The following HSPA12A variants were observed in gnomAD, a reference collection of about 807,000 sequenced individuals.
The protein encoded by HSPA12A is heat shock 70 kDa protein 12A.
HSPA12A carries 28 observed loss-of-function variants against 69.2 expected under a neutral mutation model. The observed-to-expected ratio is 0.40, with a 90% CI of 0.30 to 0.55. The LOEUF is 0.55. HSPA12A is among the 20% of genes least tolerant of loss of function. The pLI, the probability that HSPA12A is intolerant of heterozygous loss-of-function variation, is 0.38. For synonymous variants in HSPA12A, 345 were observed against 370.5 expected (o/e 0.93, Z 0.79); for missense variants, 686 against 900.7 (o/e 0.76, Z 3.05).
chr10:116,677,055 GCCA>G (rs1554877838), intron 10 of HSPA12A, among the ~76,000 whole-genome samples: 2 of 152,096 alleles, frequency 1.3e-5, no homozygotes, highest in African/African-American at 2.4e-5. Flanking sequence ...CTCTAGCCTG[GCCA>G]CCACCACTGC....
chr10:116,716,910 T>C (rs1251757647), intron 1 of HSPA12A, among the ~76,000 whole-genome samples: 2 of 152,190 alleles, frequency 1.3e-5, no homozygotes, highest in African/African-American at 4.8e-5. Context: ...AATTCCTTCA[T>C]GGGGTCAGAT....
chr10:116,826,008 G>A (rs1484911713), intron 2 of HSPA12A, among the ~76,000 whole-genome samples: 1 of 152,168 alleles, frequency 6.6e-6, no homozygotes, highest in African/African-American at 2.4e-5. Flanking sequence ...GCCACCTACA[G>A]ATGTGTGAAG....
At chr10:116,755,589 G>A (rs1231282672) in intron 2 of HSPA12A, among the ~76,000 whole-genome samples, 1 of 143,716 alleles carries the variant, frequency 7.0e-6, no homozygotes, top group South Asian at 2.3e-4. Flanking sequence ...TCCAGCCTGG[G>A]TGAAAGAGTG....
chr10:116,838,929 C>T (rs1424027984), intron 1 of HSPA12A, among the ~76,000 whole-genome samples: 1 of 152,208 alleles, frequency 6.6e-6, no homozygotes, highest in Non-Finnish European at 1.5e-5. Context: ...GAGCCACACA[C>T]ATTTCAACCT....
rs782233369 is a variant in HSPA12A at position 116,698,620 on chromosome 10, A to C, written c.546+15T>G. ...GCCTAGCACACAGCTGGCTGGCCTC[A>C]ACTATCAGTCCTACCTTCAGCGCCT... On this transcript the variant is annotated intron_variant, in intron 5 of 11. Transcript: ENST00000369209. 3 of 1,591,962 alleles carry C rather than the reference A, an allele frequency of 1.9e-6. No homozygotes were observed. In the South Asian group the frequency reaches 3.3e-5, roughly 18 times the overall value.
chr10:116,833,450 T>G (rs936658444), intron 2 of HSPA12A: 1 of 152,170 alleles, frequency 6.6e-6, no homozygotes, highest in Non-Finnish European at 1.5e-5. Flanking sequence ...TGCCAACCCA[T>G]AATGTGGAAC....
chr10:116,758,529 T>C (rs1843899643), intron 2 of HSPA12A, among the ~76,000 whole-genome samples: 1 of 152,150 alleles, frequency 6.6e-6, no homozygotes, highest in Admixed American at 6.5e-5. Context: ...GACAGCTCCA[T>C]GATACAGGGA....
upstream of HSPA12A, among the ~76,000 whole-genome samples, chr10:116,745,992 C>G (rs1253050286): frequency 5.3e-5 from 8 of 152,184 alleles, no homozygotes; most frequent in African/African-American, 1.9e-4. Flanking sequence ...ACCTCCCCCT[C>G]TAGCTGCCAG....
At chr10:116,705,749 G>GT (rs1850223686) in intron 2 of HSPA12A, among the ~76,000 whole-genome samples, 1 of 152,218 alleles carries the variant, frequency 6.6e-6, no homozygotes, top group African/African-American at 2.4e-5. Flanking sequence ...TTTCATGCAT[G>GT]TGAGCAGGGC....
At chr10:116,805,467 G>A (rs1415997973) in intron 2 of HSPA12A, among the ~76,000 whole-genome samples, 1 of 151,948 alleles carries the variant, frequency 6.6e-6, no homozygotes, top group Non-Finnish European at 1.5e-5. Context: ...CCTTAACAAT[G>A]ATGGGAAATT....
At chr10:116,703,546 A>C (rs1162852684) in intron 3 of HSPA12A, among the ~76,000 whole-genome samples, 20 of 151,388 alleles carry the variant, frequency 1.3e-4, no homozygotes, top group Admixed American at 1.2e-3. Flanking sequence ...AAAAAAAAAA[A>C]AATAACAACA....
rs1047363608 is a variant in HSPA12A at position 116,692,451 on chromosome 10, G to T, written c.563C>A (p.Ala188Glu). 4 of 1,613,730 alleles carry T rather than the reference G, an allele frequency of 2.5e-6. No homozygotes were observed. In the South Asian group the frequency reaches 4.4e-5, roughly 18 times the overall value. The change falls in exon 6 of 12, where the codon GCG becomes GAG. Residue 188 changes from alanine (A) to glutamate (E), a missense_variant. Transcript: ENST00000369209. The stretch of plus-strand genomic sequence containing the variant: ...ATCAGAGTTCTCGAACTCCGAACCC[G>T]CCTGGTCACTCAGCTCCTGAAGCCA... ...EQALKELSDQ[A>E]GSEFENSDVR...
intron 1 of HSPA12A, among the ~76,000 whole-genome samples, chr10:116,734,437 G>A (rs1163321071): frequency 6.9e-6 from 1 of 145,372 alleles, no homozygotes; most frequent in East Asian, 2.0e-4. Flanking sequence ...GCAATAGAGC[G>A]AGACTCTGTC....
In HSPA12A at chr10:116,710,703, A is replaced by G. The variant is rs1369054158; in HGVS notation, c.41-3418T>C. Reference sequence around the variant, plus strand: ...TTGAAAACTGATCTGCACAGAAGGTATGGAGGGGTAACATTTTCAGAGATA... The same window carrying G: ...TTGAAAACTGATCTGCACAGAAGGTGTGGAGGGGTAACATTTTCAGAGATA... On this transcript the variant is annotated intron_variant, in intron 1 of 11. Coordinates refer to ENST00000369209, the MANE Select transcript of HSPA12A (RefSeq NM_025015.3). This position sits in a 1 kb window ranked among gnomAD's most constrained non-coding sequence, Gnocchi z 4.1. Among the ~76,000 whole-genome samples, 3 of 152,262 alleles carry G rather than the reference A, an allele frequency of 2.0e-5. No individual in the cohort carries two copies. Among genetic ancestry groups the G allele is most frequent in the African/African-American group, 7.2e-5 (3 of 41,476 alleles).
At chr10:116,823,231 T>C (rs1845436787) in intron 2 of HSPA12A, among the ~76,000 whole-genome samples, 2 of 152,166 alleles carry the variant, frequency 1.3e-5, no homozygotes, top group South Asian at 4.1e-4. Flanking sequence ...ATAAAATATT[T>C]AGGAATGCAT....
intron 1 of HSPA12A, among the ~76,000 whole-genome samples, chr10:116,839,604 T>TAAAAA (rs59427633): frequency 3.4e-5 from 2 of 59,132 alleles, no homozygotes; most frequent in African/African-American, 6.1e-5. Flanking sequence ...ATGCCTACCG[T>TAAAAA]AAAAAAAAAA....
chr10:116,802,812 C>T (rs982639243), intron 2 of HSPA12A, among the ~76,000 whole-genome samples: 3 of 152,190 alleles, frequency 2.0e-5, no homozygotes, highest in Admixed American at 6.5e-5. Flanking sequence ...TGGGCTTGGC[C>T]GTATCATGGG....
chr10:116,761,125 G>A (rs556385982), intron 2 of HSPA12A, among the ~76,000 whole-genome samples: 108 of 152,246 alleles, frequency 7.1e-4, no homozygotes, highest in African/African-American at 2.5e-3. Context: ...AGAGGTGGGT[G>A]AGTCACTTCA....
intron 1 of HSPA12A, among the ~76,000 whole-genome samples, chr10:116,727,867 C>T (rs1851023126): frequency 6.6e-6 from 1 of 150,464 alleles, no homozygotes; most frequent in Non-Finnish European, 1.5e-5. Flanking sequence ...AAGTGATTCT[C>T]CCATCTTAGC....
Sources: gnomAD v4.1 joint callset for allele counts (sites outside exome capture counted in the v4.1 genomes callset) on GRCh38, gnomAD v4.1.1 for gene constraint, Gnocchi (gnomAD v3.1) non-coding constraint, MANE v1.5 for transcripts, NCBI Gene and HGNC (gene_info 2026-07-23, HGNC 2026-07-21) for gene names.